Variants in DLG2 observed in about 807,000 individuals in gnomAD.
The protein encoded by DLG2 is discs large MAGUK scaffold protein 2.
In DLG2, 45 loss-of-function variants were observed where a neutral mutation model predicts 132.5. That is an observed-to-expected ratio of 0.34 (90% CI 0.27 to 0.44). The LOEUF (loss-of-function observed/expected upper bound fraction) is 0.44. Among genes scored for constraint, DLG2 ranks in the 20% least tolerant of loss-of-function variants. DLG2 has a pLI of 1.00. For missense variants in DLG2, 1,045 were observed against 1,196.9 expected, an observed-to-expected ratio of 0.87 and a Z score of 1.87; for synonymous variants, 424 against 419.6, an observed-to-expected ratio of 1.01 and a Z score of -0.13.
Position 84,940,095 on chromosome 11 carries a change from C to T in DLG2, c.357+171566G>A, listed in dbSNP as rs567050083. Reference sequence around the variant, plus strand: ...CATCCTTGCCAGCATTCATTATTGCCTAGTTTTTGGATAAAAGCCATTTTT... The same window carrying T: ...CATCCTTGCCAGCATTCATTATTGCTTAGTTTTTGGATAAAAGCCATTTTT... On this transcript the variant is annotated intron_variant, in intron 6 of 27. Transcript: ENST00000376104. Among the ~76,000 whole-genome samples the T allele has an allele frequency of 6.6e-5, 10 of 152,272 alleles. No individual in the cohort carries two copies. The East Asian group carries it at 1.7e-3, about 26-fold the overall frequency.
At chr11:84,700,533 T>C (rs1269937175) in intron 6 of DLG2, among the ~76,000 whole-genome samples, 1 of 151,662 alleles carries the variant, frequency 6.6e-6, no homozygotes, top group Non-Finnish European at 1.5e-5. Flanking sequence ...CAAAATCAGA[T>C]CTTATTCAAA....
chr11:83,600,895 G>C (rs2058431548), intron 19 of DLG2, among the ~76,000 whole-genome samples: 1 of 152,212 alleles, frequency 6.6e-6, no homozygotes, highest in Admixed American at 6.5e-5. Context: ...GTTGTCTCTG[G>C]ACTCAGTGGG....
intron 6 of DLG2, among the ~76,000 whole-genome samples, chr11:84,698,450 A>T (rs1212286541): frequency 6.6e-6 from 1 of 151,580 alleles, no homozygotes; most frequent in Non-Finnish European, 1.5e-5. Flanking sequence ...ATTGCTAAAC[A>T]GAAATAAGTG....
chr11:84,106,108 A>G (rs998048000), intron 9 of DLG2, among the ~76,000 whole-genome samples: 1 of 152,168 alleles, frequency 6.6e-6, no homozygotes, highest in Non-Finnish European at 1.5e-5. Context: ...AAAAAAGATT[A>G]AAACAGGTAA....
chr11:85,244,293 T>A (rs2076031838), intron 4 of DLG2, among the ~76,000 whole-genome samples: 1 of 151,986 alleles, frequency 6.6e-6, no homozygotes, highest in South Asian at 2.1e-4. Context: ...GTGTTAAATA[T>A]TCAGTCATCA....
At chr11:85,516,205 G>T (rs2094165369) in intron 3 of DLG2, among the ~76,000 whole-genome samples, 1 of 151,746 alleles carries the variant, frequency 6.6e-6, no homozygotes, top group Admixed American at 6.6e-5. Context: ...AATAATCTTT[G>T]GGTCAAGGAC....
chr11:84,775,751 G>A (rs2070361304), intron 6 of DLG2, among the ~76,000 whole-genome samples: 2 of 152,194 alleles, frequency 1.3e-5, no homozygotes, highest in Middle Eastern at 3.4e-3. Flanking sequence ...GGAGGGGGAT[G>A]GTACAGCAAG....
intron 18 of DLG2, 72 bp from the exon 19 acceptor site, chr11:83,633,397 C>G: frequency 8.1e-7 from 1 of 1,234,892 alleles, no homozygotes; most frequent in Middle Eastern, 2.0e-4. Context: ...ACAGCCCAGG[C>G]AGCCCCTCAC....
chr11:85,195,068 A>G (rs2080925767), intron 4 of DLG2, among the ~76,000 whole-genome samples: 1 of 152,198 alleles, frequency 6.6e-6, no homozygotes, highest in African/African-American at 2.4e-5. Flanking sequence ...TCAAGCTCTG[A>G]AGCCCAGGAA....
chr11:84,549,256 A>T (rs1442198078), intron 6 of DLG2, among the ~76,000 whole-genome samples: 1 of 152,222 alleles, frequency 6.6e-6, no homozygotes, highest in Non-Finnish European at 1.5e-5. Flanking sequence ...AGCAAACTCA[A>T]CAGTAGTTCA....
At chr11:83,843,938 T>C (rs2058107964) in intron 16 of DLG2, among the ~76,000 whole-genome samples, 2 of 152,174 alleles carry the variant, frequency 1.3e-5, no homozygotes, top group Non-Finnish European at 2.9e-5. Flanking sequence ...TTTAAATGCT[T>C]GGCTAAGCTT....
At chr11:83,837,743 A>AG (rs1555035011) in intron 16 of DLG2, among the ~76,000 whole-genome samples, 9 of 150,330 alleles carry the variant, frequency 6.0e-5, no homozygotes, top group Non-Finnish European at 1.2e-4. Flanking sequence ...AAAAAAAAAA[A>AG]AAAAGAAAAG....
intron 7 of DLG2, among the ~76,000 whole-genome samples, chr11:84,363,314 A>C (rs2098661969): frequency 6.6e-6 from 1 of 151,370 alleles, no homozygotes; most frequent in Non-Finnish European, 1.5e-5. Flanking sequence ...TCTTCTTTTG[A>C]GAAGTGTCTG....
chr11:84,327,900 A>C (rs1200681873), intron 7 of DLG2, among the ~76,000 whole-genome samples: 2 of 152,188 alleles, frequency 1.3e-5, no homozygotes, highest in Non-Finnish European at 2.9e-5. Context: ...CTCTTGTCCA[A>C]AGCTTGCATC....
At chr11:84,403,140 T>C (rs955923308) in intron 7 of DLG2, among the ~76,000 whole-genome samples, 22 of 152,066 alleles carry the variant, frequency 1.4e-4, no homozygotes, top group Non-Finnish European at 2.9e-4. Flanking sequence ...GTTCAGTTGA[T>C]TGCTAATAGA....
rs115858506 is a variant in DLG2, at chr11:84,059,704, G to T, written c.750-220C>A. Among the ~76,000 whole-genome samples the T allele has an allele frequency of 2.1e-3, 327 of 152,128 alleles. 3 individuals are homozygous for T. The highest frequency in any genetic ancestry group is 4.7e-3 in the African/African-American group (197 of 41,504). On this transcript the variant is annotated intron_variant, in intron 10 of 27. Coordinates refer to ENST00000376104, the MANE Select transcript of DLG2 (RefSeq NM_001142699.3). Reference sequence around the variant, plus strand: ...CCTAACCACTTTTGACCATACTACTGGTCAGTTCCCATCCTAAACTCCAGT... The same window carrying T: ...CCTAACCACTTTTGACCATACTACTTGTCAGTTCCCATCCTAAACTCCAGT...
chr11:84,550,727 C>A (rs1012497526), intron 6 of DLG2, among the ~76,000 whole-genome samples: 2 of 152,164 alleles, frequency 1.3e-5, no homozygotes, highest in Admixed American at 1.3e-4. Flanking sequence ...AAAGTTCCTT[C>A]CTAGTGGGAA....
chr11:85,396,545 T>C (rs752826669), intron 3 of DLG2, among the ~76,000 whole-genome samples: 8 of 152,020 alleles, frequency 5.3e-5, no homozygotes, highest in Non-Finnish European at 8.8e-5. Context: ...GGTTAGACGA[T>C]TGGCTAACTA....
intron 4 of DLG2, among the ~76,000 whole-genome samples, chr11:85,163,241 ACACT>A (rs1041193600): frequency 5.9e-5 from 9 of 151,916 alleles, no homozygotes; most frequent in Non-Finnish European, 1.0e-4. Flanking sequence ...ACACACACAC[ACACT>A]ATTAGTTCTG....
Sources: allele counts gnomAD v4.1 joint callset (sites outside exome capture counted in the v4.1 genomes callset), GRCh38; gene constraint gnomAD v4.1.1; transcripts MANE v1.5; gene names NCBI Gene and HGNC (gene_info 2026-07-23, HGNC 2026-07-21).